SH2D4A: variants seen among roughly 807,000 people sequenced by gnomAD.
SH2D4A encodes the protein SH2 domain containing 4A.
SH2D4A carries 70 observed loss-of-function variants against 64.7 expected under a neutral mutation model. The observed-to-expected ratio is 1.08, with a 90% CI of 0.89 to 1.32. SH2D4A has a LOEUF of 1.32. Ranked by LOEUF, SH2D4A falls within the 40% of genes most tolerant of loss-of-function variation. The pLI is 0.00. For missense variants in SH2D4A, 706 were observed against 540.1 expected, an observed-to-expected ratio of 1.31 and a Z score of -3.04; for synonymous variants, 268 against 200.7, an observed-to-expected ratio of 1.34 and a Z score of -2.83.
chr8:19,372,053 G>A (rs141283875), intron 7 of SH2D4A, among the ~76,000 whole-genome samples: 76 of 152,142 alleles, frequency 5.0e-4, no homozygotes, highest in African/African-American at 1.7e-3. Flanking sequence ...TGTACACTTG[G>A]TGAGGTCATA....
rs2053575799 is a variant in SH2D4A, at chr8:19,395,590, G to GTAAT, written c.*949_*952dup. 1 of 152,156 alleles carries GTAAT rather than the reference G, an allele frequency of 6.6e-6. No individual in the cohort carries two copies. The highest frequency in any genetic ancestry group is 2.1e-4 in the South Asian group (1 of 4,814). The allele number at this position is 152,156 out of a possible 1,614,324, so 9.4% of individuals were successfully genotyped here. A position where few individuals can be genotyped will look rare whatever the true frequency, so the allele number is the denominator to read the frequency against. Reference sequence around the variant, plus strand: ...ATCCTTAGGAGAAGAGAGAGTTTTGGTAATAGACACAAATGCAGTGGGAAG... The same window carrying GTAAT: ...ATCCTTAGGAGAAGAGAGAGTTTTGGTAATTAATAGACACAAATGCAGTGGGAAG... On this transcript the variant is annotated 3_prime_UTR_variant, in exon 10 of 10. Transcript: ENST00000265807.
chr8:19,348,188 TG>T (rs2052641690), intron 4 of SH2D4A, among the ~76,000 whole-genome samples: 2 of 152,106 alleles, frequency 1.3e-5, no homozygotes, highest in African/African-American at 4.8e-5. Context: ...CTGAAACCCC[TG>T]GGCTCAGGTG....
chr8:19,388,798 C>A (rs954851640), intron 8 of SH2D4A, among the ~76,000 whole-genome samples: 1 of 152,202 alleles, frequency 6.6e-6, no homozygotes, highest in African/African-American at 2.4e-5. Context: ...CACAAGCATT[C>A]ATTAAACTCT....
Position 19,373,426 on chromosome 8 carries a change from G to A in SH2D4A, c.918-104G>A, listed in dbSNP as rs893360149. 3.4e-5 allele frequency: 24 copies of A among 712,144 alleles called. No individual in the cohort carries two copies. In the Admixed American group the frequency reaches 4.3e-4, roughly 13 times the overall value. 44.1% of individuals were successfully genotyped at this position (712,144 alleles called of 1,614,324 possible). On this transcript the variant is annotated intron_variant, in intron 7 of 9. Transcript: ENST00000265807. ...CAGACATGCATGTATATATATGCAT[G>A]TATATGTATGTGTGTGTGTATATAT...
chr8:19,393,615 A>G, intron 9 of SH2D4A, 74 bp downstream of exon 9: 2 of 1,473,412 alleles, frequency 1.4e-6, no homozygotes, highest in Non-Finnish European at 1.9e-6. Context: ...AATGACAATT[A>G]CAAAGAAAAG....
At chr8:19,321,808 T>C (rs2052196773) in intron 2 of SH2D4A, among the ~76,000 whole-genome samples, 3 of 152,150 alleles carry the variant, frequency 2.0e-5, no homozygotes, top group African/African-American at 7.2e-5. Context: ...GCCAAAGGGT[T>C]CTTGCCACTA....
chr8:19,379,032 A>T (rs1160468187), intron 8 of SH2D4A, among the ~76,000 whole-genome samples: 1 of 151,472 alleles, frequency 6.6e-6, no homozygotes, highest in African/African-American at 2.4e-5. Flanking sequence ...CAGTGAGCCA[A>T]GATCACGCCA....
chr8:19,317,990 G>A (rs1040377223), intron 1 of SH2D4A, among the ~76,000 whole-genome samples: 6 of 151,612 alleles, frequency 4.0e-5, no homozygotes, highest in East Asian at 1.9e-4. Flanking sequence ...CAACCTCTGC[G>A]TCCTAGGTTC....
chr8:19,320,217 C>CT (rs1428451581), intron 2 of SH2D4A, among the ~76,000 whole-genome samples: 4 of 152,088 alleles, frequency 2.6e-5, no homozygotes, highest in African/African-American at 7.2e-5. Context: ...ATAATACTAT[C>CT]TTTTTTTAGT....
intron 4 of SH2D4A, among the ~76,000 whole-genome samples, chr8:19,336,852 G>A (rs191227727): frequency 1.3e-5 from 2 of 152,258 alleles, no homozygotes; most frequent in African/African-American, 4.8e-5. Context: ...GGGGGACCAA[G>A]TGAGACCCTA....
intron 2 of SH2D4A, among the ~76,000 whole-genome samples, chr8:19,322,406 C>T (rs533478458): frequency 2.6e-5 from 4 of 152,226 alleles, no homozygotes; most frequent in African/African-American, 4.8e-5. Context: ...CTTAGCCACA[C>T]GGTGGTTTTG....
chr8:19,347,733 C>G (rs2052634930), intron 4 of SH2D4A, among the ~76,000 whole-genome samples: 1 of 152,116 alleles, frequency 6.6e-6, no homozygotes, highest in Non-Finnish European at 1.5e-5. Context: ...AAAATTAGAA[C>G]CAAACATCTG....
intron 8 of SH2D4A, among the ~76,000 whole-genome samples, chr8:19,385,538 C>T (rs1278078749): frequency 2.0e-5 from 3 of 152,136 alleles, no homozygotes; most frequent in Non-Finnish European, 4.4e-5. Flanking sequence ...TTTTTTGATA[C>T]ATCCTACTGA....
chr8:19,325,390 A>T (rs979484866), intron 2 of SH2D4A, among the ~76,000 whole-genome samples: 1 of 152,134 alleles, frequency 6.6e-6, no homozygotes, highest in African/African-American at 2.4e-5. Context: ...AAGGAAACAT[A>T]CTTAGAGACA....
intron 8 of SH2D4A, among the ~76,000 whole-genome samples, chr8:19,389,669 G>A (rs1031108012): frequency 3.9e-5 from 6 of 152,134 alleles, no homozygotes; most frequent in Non-Finnish European, 7.4e-5. Context: ...TCAACAGACT[G>A]TTGCCTGGGT....
At chr8:19,368,675 G>A (rs530309414) in intron 7 of SH2D4A, among the ~76,000 whole-genome samples, 2 of 98,632 alleles carry the variant, frequency 2.0e-5, no homozygotes, top group East Asian at 6.1e-4. Flanking sequence ...ACTGATTTTT[G>A]TAAGTTTATT....
chr8:19,328,450 T>C (rs1187158436), intron 2 of SH2D4A, among the ~76,000 whole-genome samples: 1 of 152,198 alleles, frequency 6.6e-6, no homozygotes. Flanking sequence ...AGTTTCAGGA[T>C]TCTGGCATCA....
chr8:19,388,815 G>A (rs1238383814), intron 8 of SH2D4A, among the ~76,000 whole-genome samples: 1 of 152,194 alleles, frequency 6.6e-6, no homozygotes, highest in African/African-American at 2.4e-5. Flanking sequence ...CTCTTTTTCG[G>A]TCATCTTCTA....
rs144442740 is a variant in SH2D4A, at chr8:19,319,265, C to CT, written c.-204-69dup. ...AAAGTGATACTGTGTTTCCTCCTAG[C>CT]TTTTTTTTTTAAACCCGTCCTAGCC... On this transcript the variant is annotated intron_variant, in intron 1 of 9. Transcript: ENST00000265807. 4,050 of 950,502 alleles carry CT rather than the reference C, an allele frequency of 4.3e-3. 38 individuals are homozygous for CT. Among genetic ancestry groups the CT allele is most frequent in the African/African-American group, 0.037 (2,154 of 57,790 alleles). 58.9% of individuals were successfully genotyped at this position (950,502 alleles called of 1,614,324 possible).
Sources: gnomAD v4.1 joint callset for allele counts (sites outside exome capture counted in the v4.1 genomes callset) on GRCh38, gnomAD v4.1.1 for gene constraint, MANE v1.5 for transcripts, NCBI Gene and HGNC (gene_info 2026-07-23, HGNC 2026-07-21) for gene names.